KY: variants seen among roughly 807,000 people sequenced by gnomAD.
The protein encoded by KY is kyphoscoliosis peptidase.
KY carries 43 observed loss-of-function variants against 76.1 expected under a neutral mutation model. The observed-to-expected ratio is 0.57, with a 90% CI of 0.44 to 0.73. The LOEUF is 0.73. Among genes scored for constraint, KY ranks in the 30% least tolerant of loss-of-function variants. KY has a pLI of 0.00. For missense variants in KY, 722 were observed against 828.9 expected (o/e 0.87, Z 1.58); for synonymous variants, 277 against 326.2 (o/e 0.85, Z 1.63).
At chr3:134,635,596 A>G (rs749359885) in intron 3 of KY, among the ~76,000 whole-genome samples, 1 of 152,114 alleles carries the variant, frequency 6.6e-6, no homozygotes, top group African/African-American at 2.4e-5. Flanking sequence ...AGAGGGAAAT[A>G]GAACTGCTGT....
chr3:134,648,740 G>T (rs566827525), intron 1 of KY, among the ~76,000 whole-genome samples: 9 of 152,178 alleles, frequency 5.9e-5, no homozygotes, highest in African/African-American at 2.2e-4. Context: ...ACTTCCAGCA[G>T]AAGGCCCTTC....
At chr3:134,604,765 T>C (rs1453009481) in intron 10 of KY, among the ~76,000 whole-genome samples, 1 of 152,194 alleles carries the variant, frequency 6.6e-6, no homozygotes, top group African/African-American at 2.4e-5. Context: ...TATCCCAAGC[T>C]GTATGTGTGC....
At chr3:134,649,371 C>T (rs1050648590) in intron 1 of KY, among the ~76,000 whole-genome samples, 5 of 152,130 alleles carry the variant, frequency 3.3e-5, no homozygotes, top group African/African-American at 4.8e-5. Flanking sequence ...TTTCTAGTGT[C>T]AGAGCCTTTA....
chr3:134,638,320 G>A (rs1965261998), intron 3 of KY, among the ~76,000 whole-genome samples: 1 of 152,152 alleles, frequency 6.6e-6, no homozygotes, highest in Non-Finnish European at 1.5e-5. Flanking sequence ...ATATTAGTGT[G>A]GCCAATCTCT....
At chr3:134,650,628 C>T (rs7431731) in intron 1 of KY, among the ~76,000 whole-genome samples, 197 bp downstream of exon 1, 1 of 152,092 alleles carries the variant, frequency 6.6e-6, no homozygotes, top group Non-Finnish European at 1.5e-5. Flanking sequence ...AATCACGGGG[C>T]TGCGCGTTGC....
intron 4 of KY, among the ~76,000 whole-genome samples, chr3:134,628,571 C>T (rs943425385): frequency 1.2e-4 from 18 of 152,196 alleles, no homozygotes; most frequent in African/African-American, 3.9e-4. Context: ...CCATTTATTT[C>T]TCACACCTGC....
chr3:134,641,823 G>A (rs995422386), intron 3 of KY, among the ~76,000 whole-genome samples: 1 of 152,116 alleles, frequency 6.6e-6, no homozygotes, highest in African/African-American at 2.4e-5. Flanking sequence ...GATTGTCTGT[G>A]TCTCCTCACT....
intron 3 of KY, 94 bp downstream of exon 3, chr3:134,643,222 G>A: frequency 1.6e-6 from 2 of 1,228,064 alleles, no homozygotes; most frequent in Middle Eastern, 2.7e-4. Context: ...GCTCCCCATA[G>A]TCTGAGCTCC....
chr3:134,630,990 A>G (rs1416977615), intron 3 of KY, among the ~76,000 whole-genome samples: 1 of 152,248 alleles, frequency 6.6e-6, no homozygotes, highest in Non-Finnish European at 1.5e-5. Context: ...TAGCAGAATG[A>G]AAATGACAGA....
chr3:134,650,794 G>A, intron 1 of KY, 31 bp downstream of exon 1: 1 of 1,537,952 alleles, frequency 6.5e-7, no homozygotes, highest in East Asian at 2.4e-5. Flanking sequence ...GGTGCCGGGG[G>A]ACCCGGGGAC....
chr3:134,629,568 G>C, intron 4 of KY, 53 bp downstream of exon 4: 1 of 1,422,958 alleles, frequency 7.0e-7, no homozygotes, highest in East Asian at 2.5e-5. Context: ...CCAACCAGCT[G>C]CCTTCAATCC....
intron 4 of KY, 100 bp from the exon 5 acceptor site, chr3:134,627,918 C>A: frequency 1.2e-6 from 1 of 857,772 alleles, no homozygotes; most frequent in South Asian, 1.4e-5. Context: ...TTGACCCCTC[C>A]TCTTTACTCT....
At chr3:134,637,836 G>A (rs950635313) in intron 3 of KY, among the ~76,000 whole-genome samples, 3 of 152,212 alleles carry the variant, frequency 2.0e-5, no homozygotes, top group Admixed American at 6.5e-5. Flanking sequence ...GAGTGATCAA[G>A]GTGAAAAACA....
At chr3:134,605,714 C>G (rs950979213) in intron 10 of KY, among the ~76,000 whole-genome samples, 1 of 152,024 alleles carries the variant, frequency 6.6e-6, no homozygotes, top group African/African-American at 2.4e-5. Flanking sequence ...CTCTCTGGCA[C>G]TGCAGTGACT....
intron 10 of KY, chr3:134,606,999 T>G: frequency 1.0e-6 from 1 of 982,756 alleles, no homozygotes. Flanking sequence ...TGTACATAAG[T>G]ATCAGATATA....
intron 10 of KY, chr3:134,607,305 G>A (rs1295072851): frequency 1.0e-6 from 1 of 985,546 alleles, no homozygotes; most frequent in African/African-American, 1.7e-5. Context: ...GGCAAAGGAA[G>A]TCATTGTGTG....
At chr3:134,625,183 G>A (rs1428169843) in intron 5 of KY, 48 bp from the exon 6 acceptor site, 1 of 1,466,622 alleles carries the variant, frequency 6.8e-7, no homozygotes. Context: ...CACTGAAGAG[G>A]GCTGCCTGGC....
intron 3 of KY, among the ~76,000 whole-genome samples, chr3:134,639,226 A>G (rs964288709): frequency 1.3e-5 from 2 of 152,190 alleles, no homozygotes; most frequent in Non-Finnish European, 2.9e-5. Context: ...AGTGGAAAGC[A>G]GTGACATCCC....
chr3:134,611,128 C>A (rs183363971), intron 8 of KY, among the ~76,000 whole-genome samples: 63 of 152,338 alleles, frequency 4.1e-4, no homozygotes, highest in Non-Finnish European at 7.3e-5. Context: ...GGCCACAATT[C>A]TGGAGTCTCC....
Sources: gnomAD v4.1 joint callset for allele counts (sites outside exome capture counted in the v4.1 genomes callset) on GRCh38, gnomAD v4.1.1 for gene constraint, MANE v1.5 for transcripts, NCBI Gene and HGNC (gene_info 2026-07-23, HGNC 2026-07-21) for gene names.